HDGFL2: variants seen among roughly 807,000 people sequenced by gnomAD.
HDGFL2 encodes hepatoma-derived growth factor-related protein 2.
In HDGFL2, 36 loss-of-function variants were observed where a neutral mutation model predicts 77.1. That is an observed-to-expected ratio of 0.47 (90% CI 0.36 to 0.62). HDGFL2 has a LOEUF of 0.62. Among genes scored for constraint, HDGFL2 ranks in the 20% least tolerant of loss-of-function variants. The pLI, the probability that HDGFL2 is intolerant of heterozygous loss-of-function variation, is 0.00. For synonymous variants in HDGFL2, 463 were observed against 413.1 expected (o/e 1.12, Z -1.46); for missense variants, 976 against 973.4 (o/e 1.00, Z -0.04).
chr19:4,482,678 TC>T (rs1279922036), intron 3 of HDGFL2, among the ~76,000 whole-genome samples: 1 of 152,208 alleles, frequency 6.6e-6, no homozygotes, highest in Non-Finnish European at 1.5e-5. Context: ...GACCCAGGCT[TC>T]GAGGCCAAGA....
At chr19:4,497,571 G>T in intron 10 of HDGFL2, 1 of 312,658 alleles carries the variant, frequency 3.2e-6, no homozygotes, top group Non-Finnish European at 6.1e-6. Flanking sequence ...TATGGCAGTG[G>T]CGGGGTACAG....
At chr19:4,493,347 C>G (rs991402119) in intron 6 of HDGFL2, among the ~76,000 whole-genome samples, 4 of 148,692 alleles carry the variant, frequency 2.7e-5, no homozygotes, top group Middle Eastern at 3.5e-3. Context: ...TGGCAGGGTA[C>G]TCGGGTGGAG....
At chr19:4,495,355 T>C (rs1599721027) in intron 9 of HDGFL2, among the ~76,000 whole-genome samples, 1 of 120,550 alleles carries the variant, frequency 8.3e-6, no homozygotes, top group Non-Finnish European at 1.6e-5. Context: ...GCCACTGCAC[T>C]CCAGCCTGGG....
intron 3 of HDGFL2, among the ~76,000 whole-genome samples, chr19:4,482,840 G>C (rs915323611): frequency 7.2e-5 from 11 of 152,272 alleles, no homozygotes; most frequent in Admixed American, 3.3e-4. Context: ...TATAACTGCC[G>C]GTGGCTCCTG....
chr19:4,480,807 G>C (rs938954316), intron 3 of HDGFL2, among the ~76,000 whole-genome samples: 2 of 152,146 alleles, frequency 1.3e-5, no homozygotes, highest in East Asian at 3.9e-4. Context: ...TGCTCACTGT[G>C]AATCTTGACC....
At chr19:4,498,992 C>CCA in intron 13 of HDGFL2, 77 bp downstream of exon 13, 1 of 1,000,224 alleles carries the variant, frequency 1.0e-6, no homozygotes, top group Non-Finnish European at 1.5e-6. Context: ...GCCCAGGCCC[C>CCA]CAGCAGGTTC....
chr19:4,487,710 T>C (rs1159889316), intron 3 of HDGFL2, among the ~76,000 whole-genome samples: 1 of 152,208 alleles, frequency 6.6e-6, no homozygotes, highest in Non-Finnish European at 1.5e-5. Context: ...TCTGTGTTCT[T>C]GATGCCCCCG....
chr19:4,500,294 C>CT (rs988832092), intron 14 of HDGFL2, among the ~76,000 whole-genome samples: 3 of 151,570 alleles, frequency 2.0e-5, no homozygotes, highest in Non-Finnish European at 4.4e-5. Flanking sequence ...TTTCTTTTTT[C>CT]TTTTTTTTCT....
At chr19:4,493,145 CTGTG>C (rs1376019261) in intron 6 of HDGFL2, among the ~76,000 whole-genome samples, 2 of 84,628 alleles carry the variant, frequency 2.4e-5, no homozygotes, top group Admixed American at 1.4e-4. Flanking sequence ...TTATCTGTGT[CTGTG>C]TGGTGTGTGT....
At chr19:4,492,293 T>C (rs1315535524) in intron 6 of HDGFL2, among the ~76,000 whole-genome samples, 1 of 151,988 alleles carries the variant, frequency 6.6e-6, no homozygotes, top group African/African-American at 2.4e-5. Context: ...AGTGTGTGTG[T>C]AGATTGTGCA....
At position 4,493,138 on chromosome 19, in the gene HDGFL2, T is replaced by C. The variant is rs555499701; in HGVS notation, c.679-565T>C. Among the ~76,000 whole-genome samples the C allele has an allele frequency of 1.5e-4, 18 of 117,670 alleles. No homozygotes were observed. The East Asian group carries it at 3.6e-3, about 23-fold the overall frequency. 77.2% of individuals were successfully genotyped at this position (117,670 alleles called of 152,430 possible). A position where few individuals can be genotyped will look rare whatever the true frequency, so the allele number is the denominator to read the frequency against. On this transcript the variant is annotated intron_variant, in intron 6 of 15. Coordinates refer to ENST00000616600, the MANE Select transcript of HDGFL2 (RefSeq NM_001001520.3). ...TTGTCTGTGTGTGGTGTGTGTGTTATCTGTGTCTGTGTGGTGTGTGTTGTC... is the reference window on the plus strand; with the variant it reads ...TTGTCTGTGTGTGGTGTGTGTGTTACCTGTGTCTGTGTGGTGTGTGTTGTC...
At chr19:4,488,949 G>GC in intron 4 of HDGFL2, 73 bp downstream of exon 4, 2 of 1,042,880 alleles carry the variant, frequency 1.9e-6, no homozygotes, top group Non-Finnish European at 2.7e-6. Context: ...TTGCTCTCCT[G>GC]CCCTTTTTTT....
In HDGFL2 at chr19:4,499,625, G is replaced by C. The variant is rs528707418; in HGVS notation, c.1710G>C (p.Lys570Asn). The change falls in exon 14 of 16, where the codon AAG (lysine) becomes AAC (asparagine). Residue 570 changes from lysine (K) to asparagine (N), a missense_variant. Physicochemically the swap from Lys to Asn is moderately conservative, Grantham distance 94. Around this residue, in one of 5 missense-constraint regions of HDGFL2, gnomAD observed 229 missense variants for 187.3 expected, o/e 1.22. Coordinates refer to ENST00000616600, the MANE Select transcript of HDGFL2 (RefSeq NM_001001520.3). ...KVNKAGMEKE[K>N]AEEKLAGEEL... is the part of the protein sequence containing the mutation. ...ACAAGGCTGGGATGGAGAAGGAGAAGGCCGAGGAGAAGCTGGCCGGGGAGG... is the reference window on the plus strand; with the variant it reads ...ACAAGGCTGGGATGGAGAAGGAGAACGCCGAGGAGAAGCTGGCCGGGGAGG... 1.3e-6 allele frequency: 2 copies of C among 1,599,134 alleles called. No homozygotes were observed. The highest frequency in any genetic ancestry group is 2.7e-5 in the African/African-American group (2 of 74,866).
intron 3 of HDGFL2, among the ~76,000 whole-genome samples, chr19:4,486,997 G>A (rs1045114688): frequency 8.6e-5 from 13 of 151,316 alleles, no homozygotes; most frequent in African/African-American, 1.9e-4. Flanking sequence ...ACGGAGTCTC[G>A]CTCTGTCACC....
In HDGFL2 at chr19:4,472,403, A is replaced by T; in HGVS notation, c.53A>T (p.Tyr18Phe). ...GDLVFAKMKG[Y>F]PHWPARIDDI... is the part of the protein sequence containing the mutation. ...TTGGTGTTCGCTAAGATGAAGGGCT[A>T]CCCTCACTGGCCTGCCAGGGTGAGG... Residue 18 changes from tyrosine (Y) to phenylalanine (F), a missense_variant, in exon 1 of 16, where the codon TAC (tyrosine) becomes TTC (phenylalanine). Tyr to Phe is a conservative substitution (Grantham distance 22, BLOSUM62 3). Coordinates refer to ENST00000616600, the MANE Select transcript of HDGFL2 (RefSeq NM_001001520.3). 1.6e-6 allele frequency: 2 copies of T among 1,271,488 alleles called. No homozygotes were observed. Among genetic ancestry groups the T allele is most frequent in the Non-Finnish European group, 2.0e-6 (2 of 988,396 alleles). The allele number at this position is 1,271,488 out of a possible 1,614,324, so 78.8% of individuals were successfully genotyped here. A position where few individuals can be genotyped will look rare whatever the true frequency, so the allele number is the denominator to read the frequency against.
intron 6 of HDGFL2, among the ~76,000 whole-genome samples, chr19:4,492,259 G>A (rs1006765725): frequency 6.6e-6 from 1 of 152,040 alleles, no homozygotes; most frequent in African/African-American, 2.4e-5. Flanking sequence ...GCATGTTTGT[G>A]ACCATGTAGG....
chr19:4,498,467 CG>C, intron 12 of HDGFL2, 91 bp downstream of exon 12: 5 of 1,051,192 alleles, frequency 4.8e-6, no homozygotes, highest in Non-Finnish European at 7.2e-6. Context: ...GAGGCAAAGC[CG>C]GGGTCCTGCA....
chr19:4,486,009 C>T (rs1262578089), intron 3 of HDGFL2, among the ~76,000 whole-genome samples: 9 of 147,522 alleles, frequency 6.1e-5, no homozygotes, highest in African/African-American at 2.3e-4. Flanking sequence ...GTCGTGATCG[C>T]GCCACTGCAC....
intron 1 of HDGFL2, among the ~76,000 whole-genome samples, chr19:4,472,963 A>G (rs1974983127): frequency 7.1e-6 from 1 of 140,582 alleles, no homozygotes. Flanking sequence ...GGCCTGAGAG[A>G]CTCTCGCCCT....
Sources: gnomAD v4.1 joint callset for allele counts (sites outside exome capture counted in the v4.1 genomes callset) on GRCh38, gnomAD v4.1.1 for gene constraint, gnomAD v4.1.1 regional missense constraint, MANE v1.5 for transcripts, NCBI Gene and HGNC (gene_info 2026-07-23, HGNC 2026-07-21) for gene names.